KIF24: variants seen among roughly 807,000 people sequenced by gnomAD.
KIF24 encodes the protein kinesin-like protein KIF24.
A neutral mutation model predicts 118.9 loss-of-function variants in KIF24; 81 were observed. That is an observed-to-expected ratio of 0.68 (90% CI 0.57 to 0.82). The LOEUF (loss-of-function observed/expected upper bound fraction) is 0.82, where lower values mean the gene tolerates loss of function less well. KIF24 is among the 40% of genes least tolerant of loss of function. The pLI, the probability that KIF24 is intolerant of heterozygous loss-of-function variation, is 0.00. For missense variants in KIF24, 1,560 were observed against 1,661.6 expected, an observed-to-expected ratio of 0.94 and a Z score of 1.06; for synonymous variants, 599 against 610.0, an observed-to-expected ratio of 0.98 and a Z score of 0.27.
chr9:34,276,198 C>T (rs887664200), intron 6 of KIF24, among the ~76,000 whole-genome samples: 6 of 152,008 alleles, frequency 3.9e-5, no homozygotes, highest in Admixed American at 1.3e-4. Context: ...GTCAGGAGTT[C>T]GAGACCAGCC....
At chr9:34,267,519 G>A (rs1010044357) in intron 8 of KIF24, among the ~76,000 whole-genome samples, 1 of 151,914 alleles carries the variant, frequency 6.6e-6, no homozygotes, top group South Asian at 2.1e-4. Flanking sequence ...AATAATACAT[G>A]AGCCACAAAT....
In KIF24 at chr9:34,254,003, CCT is replaced by C. The variant is rs1441131890; in HGVS notation, c.*375_*376del. 2.4e-5 allele frequency: 4 copies of C among 164,004 alleles called. No homozygotes were observed. The highest frequency in any genetic ancestry group is 5.3e-5 in the Non-Finnish European group (4 of 76,070). 10.2% of individuals were successfully genotyped at this position (164,004 alleles called of 1,614,324 possible). ...GTCTTCTCTGTCTTGTGACCTCTGA[CCT>C]CTAGGCTACCACTGACCACCCCATC... is the stretch of plus-strand genomic sequence containing the variant. On this transcript the variant is annotated 3_prime_UTR_variant, in exon 13 of 13. Coordinates refer to ENST00000402558, the MANE Select transcript of KIF24 (RefSeq NM_194313.4).
intron 1 of KIF24, among the ~76,000 whole-genome samples, chr9:34,326,403 C>A (rs765378139): frequency 6.6e-6 from 1 of 152,122 alleles, no homozygotes; most frequent in African/African-American, 2.4e-5. Flanking sequence ...GCCCTCATGA[C>A]ACTATTATTT....
intron 6 of KIF24, among the ~76,000 whole-genome samples, chr9:34,284,765 G>C (rs931742071): frequency 6.6e-6 from 1 of 152,134 alleles, no homozygotes; most frequent in African/African-American, 2.4e-5. Context: ...GGGGTTTGTA[G>C]GGTGCTACAA....
intron 6 of KIF24, among the ~76,000 whole-genome samples, chr9:34,277,671 A>C (rs1835706280): frequency 1.3e-5 from 2 of 152,178 alleles, no homozygotes; most frequent in African/African-American, 4.8e-5. Context: ...TTCCTGGTTA[A>C]ATATATTTTA....
intron 11 of KIF24, 87 bp downstream of exon 11, chr9:34,255,648 C>T: frequency 1.6e-6 from 2 of 1,237,132 alleles, no homozygotes; most frequent in Non-Finnish European, 2.2e-6. Context: ...CCCTGCATGG[C>T]TTCTCTTTGT....
chr9:34,259,965 C>A (rs58210855), intron 9 of KIF24, among the ~76,000 whole-genome samples: 1 of 152,082 alleles, frequency 6.6e-6, no homozygotes, highest in Non-Finnish European at 1.5e-5. Context: ...GATGCCATTC[C>A]TTGGTGAGGG....
chr9:34,297,101 A>G lies in KIF24; in HGVS notation c.827T>C (p.Phe276Ser), dbSNP rs746293482. 3 of 1,568,938 alleles carry G rather than the reference A, an allele frequency of 1.9e-6. No homozygotes were observed. Among genetic ancestry groups the G allele is most frequent in the Non-Finnish European group, 2.6e-6 (3 of 1,150,934 alleles). Residue 276 changes from phenylalanine (F) to serine (S), a missense_variant, in exon 4 of 13, where the codon TTT becomes TCT. By Grantham distance (155) the Phe-to-Ser change is radical. This residue lies in a region of KIF24 where 964 missense variants were observed against 988.0 expected (regional missense o/e 0.98). Coordinates refer to ENST00000402558, the MANE Select transcript of KIF24 (RefSeq NM_194313.4). ...GCACGCCTCACCAAAGACTTCATCA[A>G]AATAAAAAACATGCTGAAAAATAAA... ...TQYILQHVFYFDEVFGEACTN... is the reference protein window; with the variant it reads ...TQYILQHVFYSDEVFGEACTN...
chr9:34,269,400 C>CTTTAT (rs111539052), intron 7 of KIF24, 38 bp from the exon 8 acceptor site: 43 of 906,728 alleles, frequency 4.7e-5, no homozygotes, highest in African/African-American at 2.2e-4. Flanking sequence ...TTCTGTGAAG[C>CTTTAT]TTTATTTTAT....
In KIF24 at chr9:34,293,580, C is replaced by G. The variant is rs575706769; in HGVS notation, c.912-3191G>C. Among the ~76,000 whole-genome samples, 877 of 152,000 alleles carry G rather than the reference C, an allele frequency of 5.8e-3. 4 individuals carry two copies. The highest frequency in any genetic ancestry group is 0.01 in the Non-Finnish European group (687 of 67,978). On this transcript the variant is annotated intron_variant, in intron 4 of 12. Transcript: ENST00000402558. ...ATGAGGTCAGGAGATCGAGACCATC[C>G]TGGCTAACATGGTGAAACCCCCGTC...
chr9:34,300,649 T>C (rs998821700), intron 3 of KIF24, among the ~76,000 whole-genome samples: 1 of 152,088 alleles, frequency 6.6e-6, no homozygotes, highest in South Asian at 2.1e-4. Flanking sequence ...ATTACAGGTG[T>C]GAGCCACTGT....
intron 12 of KIF24, 114 bp downstream of exon 12, chr9:34,254,958 G>C (rs1563930430): frequency 1.4e-6 from 1 of 703,858 alleles, no homozygotes; most frequent in Non-Finnish European, 2.5e-6. Flanking sequence ...GTTATGGTTA[G>C]TGTGTGCCAG....
intron 11 of KIF24, among the ~76,000 whole-genome samples, chr9:34,255,514 C>T (rs1376988287): frequency 1.3e-5 from 2 of 152,224 alleles, no homozygotes; most frequent in Non-Finnish European, 1.5e-5. Context: ...GCTGTGACTG[C>T]AACTGGCATA....
At chr9:34,287,073 A>T (rs746090259) in intron 5 of KIF24, among the ~76,000 whole-genome samples, 6 of 152,138 alleles carry the variant, frequency 3.9e-5, no homozygotes, top group Non-Finnish European at 7.4e-5. Flanking sequence ...TGGTGAAGTG[A>T]TGCTCTCTCT....
chr9:34,257,161 C>G lies in KIF24; in HGVS notation c.2446G>C (p.Asp816His), dbSNP rs746087288. 1.2e-6 allele frequency: 2 copies of G among 1,614,050 alleles called. No homozygotes were observed. The highest frequency in any genetic ancestry group is 1.7e-5 in the Admixed American group (1 of 60,024). The part of the protein sequence containing the change: ...PLFHSYSENH[D>H]GAQVEELDDS... ...TCAAGTTCCTCTACTTGGGCTCCAT[C>G]ATGGTTTTCAGAGTAAGAGTGGAAC... The change falls in exon 11 of 13, where the codon GAT becomes CAT. Residue 816 changes from aspartate to histidine, a missense_variant. Around this residue, in one of 3 missense-constraint regions of KIF24, gnomAD observed 964 missense variants for 988.0 expected, o/e 0.98. Coordinates refer to ENST00000402558, the MANE Select transcript of KIF24 (RefSeq NM_194313.4).
At position 34,256,542 on chromosome 9, in the gene KIF24, G is replaced by A. The variant is rs770246145; in HGVS notation, c.3065C>T (p.Thr1022Ile). 6.2e-7 allele frequency: 1 copy of A among 1,614,016 alleles called. No homozygotes were observed. Among genetic ancestry groups the A allele is most frequent in the Non-Finnish European group, 8.5e-7 (1 of 1,179,892 alleles). ...SADGPIQVTSTVKNGHAVPGE... is the reference protein window; with the variant it reads ...SADGPIQVTSIVKNGHAVPGE... ...TGGGACAGCATGACCGTTTTTCACA[G>A]TGCTGGTCACCTGGATTGGGCCGTC... The change falls in exon 11 of 13, where the codon ACT becomes ATT. Residue 1022 changes from threonine to isoleucine, a missense_variant. Physicochemically the swap from Thr to Ile is moderately conservative, Grantham distance 89. Coordinates refer to ENST00000402558, the MANE Select transcript of KIF24 (RefSeq NM_194313.4).
rs1290613310 is a variant in KIF24, at chr9:34,318,150, A to C, written c.-25-6779T>G. 6.6e-6 allele frequency among the ~76,000 whole-genome samples: 1 copy of C among 152,170 alleles called. No individual in the cohort carries two copies. Among genetic ancestry groups the C allele is most frequent in the Non-Finnish European group, 1.5e-5 (1 of 68,036 alleles). On this transcript the variant is annotated intron_variant, in intron 1 of 12. Transcript: ENST00000402558. This position sits in a 1 kb window ranked among gnomAD's most constrained non-coding sequence, Gnocchi z 4.9. The stretch of plus-strand genomic sequence containing the variant: ...TAAAGCTGGTGGTTTAACAAGATAA[A>C]TACATGAATAATGCAGCCTGGGCAA...
chr9:34,316,641 T>C (rs923824976), intron 1 of KIF24, among the ~76,000 whole-genome samples: 1 of 152,264 alleles, frequency 6.6e-6, no homozygotes, highest in African/African-American at 2.4e-5. Flanking sequence ...ACTTTGATGA[T>C]CTGATTAAAC....
At chr9:34,329,539 T>C (rs1837813337), upstream of KIF24, 5 of 152,250 alleles carry the variant, frequency 3.3e-5, no homozygotes, top group Admixed American at 1.3e-4. Context: ...CAGGCTCTTC[T>C]GATTGGCCGG....
Sources: allele counts gnomAD v4.1 joint callset (sites outside exome capture counted in the v4.1 genomes callset), GRCh38; gene constraint gnomAD v4.1.1; regional missense constraint gnomAD v4.1.1; non-coding constraint Gnocchi (gnomAD v3.1); transcripts MANE v1.5; gene names NCBI Gene and HGNC (gene_info 2026-07-23, HGNC 2026-07-21).